MINDY3: variants seen among roughly 807,000 people sequenced by gnomAD.
MINDY3 encodes ubiquitin carboxyl-terminal hydrolase MINDY-3.
MINDY3 carries 38 observed loss-of-function variants against 69.2 expected under a neutral mutation model. The observed-to-expected ratio is 0.55, with a 90% CI of 0.42 to 0.72. The LOEUF (loss-of-function observed/expected upper bound fraction) is 0.72, where lower values mean the gene tolerates loss of function less well. MINDY3 is among the 30% of genes least tolerant of loss of function. The pLI is 0.00. For missense variants in MINDY3, 522 were observed against 519.0 expected (o/e 1.01, Z -0.06); for synonymous variants, 192 against 180.1 (o/e 1.07, Z -0.53).
At position 15,827,463 on chromosome 10, in the gene MINDY3, C is replaced by T. The variant is rs369326444; in HGVS notation, c.731-5737G>A. ...GGCTGAGGCAGGAGAATTGCTTGAA[C>T]CCGGGTTAGGCAGAGGTTGCAGTGA... On this transcript the variant is annotated intron_variant, in intron 8 of 14. Transcript: ENST00000277632. Among the ~76,000 whole-genome samples the T allele has an allele frequency of 4.5e-4, 68 of 151,926 alleles. 1 individual carries two copies. The East Asian group carries it at 9.3e-3, about 21-fold the overall frequency.
intron 10 of MINDY3, among the ~76,000 whole-genome samples, chr10:15,808,691 G>A (rs1026555144): frequency 1.3e-5 from 2 of 152,068 alleles, no homozygotes; most frequent in African/African-American, 2.4e-5. Context: ...GGATATTCAC[G>A]TGTTCATGCC....
rs539739167 is a variant in MINDY3 at position 15,837,946 on chromosome 10, G to C, written c.461+282C>G. 1.2e-5 allele frequency: 11 copies of C among 952,394 alleles called. No homozygotes were observed. In the African/African-American group the frequency reaches 1.4e-4, roughly 12 times the overall value. 59.0% of individuals were successfully genotyped at this position (952,394 alleles called of 1,614,324 possible). A position where few individuals can be genotyped will look rare whatever the true frequency, so the allele number is the denominator to read the frequency against. On this transcript the variant is annotated intron_variant, in intron 5 of 14. Transcript: ENST00000277632. Reference sequence around the variant, plus strand: ...AATCTTCATATTTGTTTAGGTCACAGAAACATTAAGCTAAAATGATTTTTT... The same window carrying C: ...AATCTTCATATTTGTTTAGGTCACACAAACATTAAGCTAAAATGATTTTTT...
At chr10:15,785,125 T>C (rs973435832) in intron 13 of MINDY3, among the ~76,000 whole-genome samples, 1 of 152,094 alleles carries the variant, frequency 6.6e-6, no homozygotes, top group African/African-American at 2.4e-5. Flanking sequence ...AACTCACTGC[T>C]CTAAAGGTAA....
At chr10:15,797,582 A>G (rs1177785782) in intron 10 of MINDY3, among the ~76,000 whole-genome samples, 2 of 152,138 alleles carry the variant, frequency 1.3e-5, no homozygotes, top group African/African-American at 4.8e-5. Context: ...AATAAACCTG[A>G]ACATGTAACA....
intron 13 of MINDY3, among the ~76,000 whole-genome samples, chr10:15,784,756 G>A (rs918501309): frequency 1.3e-5 from 2 of 152,192 alleles, no homozygotes; most frequent in East Asian, 1.9e-4. Flanking sequence ...AATAGTTTAC[G>A]GAATGATCAC....
chr10:15,813,497 C>G (rs754898026), intron 10 of MINDY3, among the ~76,000 whole-genome samples: 1 of 152,162 alleles, frequency 6.6e-6, no homozygotes, highest in Non-Finnish European at 1.5e-5. Context: ...GCTTTGTCAG[C>G]ACTCATCACA....
chr10:15,837,428 G>A, intron 5 of MINDY3, 110 bp from the exon 6 acceptor site: 1 of 1,240,972 alleles, frequency 8.1e-7, no homozygotes, highest in East Asian at 2.6e-5. Flanking sequence ...ATACAAACAG[G>A]AAAGTTTTGG....
intron 3 of MINDY3, among the ~76,000 whole-genome samples, chr10:15,842,968 T>C (rs1588636247): frequency 6.9e-6 from 1 of 145,594 alleles, no homozygotes; most frequent in Non-Finnish European, 1.5e-5. Flanking sequence ...TTCTAGGAAA[T>C]GCACCGTGTT....
intron 10 of MINDY3, among the ~76,000 whole-genome samples, chr10:15,816,284 A>AAAAAAAAAAAAT (rs1839363560): frequency 7.1e-6 from 1 of 140,758 alleles, no homozygotes; most frequent in Non-Finnish European, 1.5e-5. Flanking sequence ...AAAAAAATGA[A>AAAAAAAAAAAAT]AAAGAAAAAA....
chr10:15,817,011 T>C (rs1299317915), intron 9 of MINDY3, 96 bp from the exon 10 acceptor site: 4 of 890,980 alleles, frequency 4.5e-6, no homozygotes, highest in Non-Finnish European at 7.2e-6. Flanking sequence ...AAGTGTCCAA[T>C]TTGTATTTAA....
Position 15,850,070 on chromosome 10 carries a change from T to C in MINDY3, c.95-2127A>G, listed in dbSNP as rs545376080. On this transcript the variant is annotated intron_variant, in intron 1 of 14. Coordinates refer to ENST00000277632, the MANE Select transcript of MINDY3 (RefSeq NM_024948.4). ...TATCAGTTCCCCAAATTAATACTTT[T>C]ATAATTTCTTACGCCTGTCTTTACT... Among the ~76,000 whole-genome samples, 7 of 152,338 alleles carry C rather than the reference T, an allele frequency of 4.6e-5. No individual in the cohort carries two copies. In the South Asian group the frequency reaches 1.5e-3, roughly 32 times the overall value.
rs146880678 is a variant in MINDY3 at position 15,825,937 on chromosome 10, A to G, written c.731-4211T>C. On this transcript the variant is annotated intron_variant, in intron 8 of 14. Transcript: ENST00000277632. Reference sequence around the variant, plus strand: ...TTGACTCTTCTATCCCTATCCCATAAAGAAAATTATAAAATAAAAATAATC... The same window carrying G: ...TTGACTCTTCTATCCCTATCCCATAGAGAAAATTATAAAATAAAAATAATC... Among the ~76,000 whole-genome samples, 30 of 152,274 alleles carry G rather than the reference A, an allele frequency of 2.0e-4. No individual in the cohort carries two copies. In the East Asian group the frequency reaches 4.2e-3, roughly 22 times the overall value.
chr10:15,847,886 C>T lies in MINDY3; in HGVS notation c.152G>A (p.Cys51Tyr). ...SALEQFEGGP[C>Y]AVIAPVQAFL... ...TACCTGAACAGGTGCAATAACAGCA[C>T]AGGGGCCACCTTCAAACTGTTCTAA... is the stretch of plus-strand genomic sequence containing the variant. The change falls in exon 2 of 15, where the codon TGT becomes TAT. Residue 51 changes from cysteine to tyrosine, a missense_variant. By Grantham distance (194) the Cys-to-Tyr change is radical. Coordinates refer to ENST00000277632, the MANE Select transcript of MINDY3 (RefSeq NM_024948.4). 6.2e-7 allele frequency: 1 copy of T among 1,613,992 alleles called. No homozygotes were observed. The highest frequency in any genetic ancestry group is 8.5e-7 in the Non-Finnish European group (1 of 1,179,912).
At chr10:15,812,470 T>G (rs1445397282) in intron 10 of MINDY3, among the ~76,000 whole-genome samples, 1 of 152,182 alleles carries the variant, frequency 6.6e-6, no homozygotes. Flanking sequence ...CATGCAATAT[T>G]AGAAAAGTTT....
intron 8 of MINDY3, among the ~76,000 whole-genome samples, chr10:15,829,502 T>C (rs1463890451): frequency 1.3e-5 from 2 of 152,142 alleles, no homozygotes; most frequent in African/African-American, 4.8e-5. Context: ...AGCACTGGAT[T>C]TGTGAAGGAG....
At chr10:15,843,144 A>G (rs1833598331) in intron 3 of MINDY3, 68 bp downstream of exon 3, 4 of 1,268,998 alleles carry the variant, frequency 3.2e-6, no homozygotes, top group Non-Finnish European at 4.5e-6. Flanking sequence ...TGACTTTCTC[A>G]GATAATTTTA....
At chr10:15,818,954 T>C (rs1839563885) in intron 9 of MINDY3, among the ~76,000 whole-genome samples, 1 of 151,998 alleles carries the variant, frequency 6.6e-6, no homozygotes, top group Admixed American at 6.5e-5. Flanking sequence ...CCCTGAATTG[T>C]ATGCTTTAAA....
chr10:15,835,056 C>T (rs907208613), intron 6 of MINDY3, among the ~76,000 whole-genome samples: 30 of 151,872 alleles, frequency 2.0e-4, no homozygotes, highest in African/African-American at 7.0e-4. Context: ...AAATAATTTG[C>T]GTTTTAATTA....
chr10:15,799,053 A>G (rs1368903703), intron 10 of MINDY3, among the ~76,000 whole-genome samples: 3 of 152,144 alleles, frequency 2.0e-5, no homozygotes, highest in Non-Finnish European at 4.4e-5. Flanking sequence ...TTTGCAGGGC[A>G]TATGGTCTTA....
Sources: allele counts gnomAD v4.1 joint callset (sites outside exome capture counted in the v4.1 genomes callset), GRCh38; gene constraint gnomAD v4.1.1; transcripts MANE v1.5; gene names NCBI Gene and HGNC (gene_info 2026-07-23, HGNC 2026-07-21).